ACTR3B: variants seen among roughly 807,000 people sequenced by gnomAD.
The protein encoded by ACTR3B is actin related protein 3B.
A neutral mutation model predicts 59.0 loss-of-function variants in ACTR3B; 8 were observed. The observed-to-expected ratio is 0.14, with a 90% CI of 0.08 to 0.24. ACTR3B has a LOEUF of 0.24. Among genes scored for constraint, ACTR3B ranks in the 10% least tolerant of loss-of-function variants. The probability of loss-of-function intolerance (pLI) is 1.00; values close to 1 mark genes in which losing one functional copy is unlikely to be tolerated. For missense variants in ACTR3B, 245 were observed against 552.3 expected, an observed-to-expected ratio of 0.44 and a Z score of 5.58; for synonymous variants, 148 against 197.9, an observed-to-expected ratio of 0.75 and a Z score of 2.12.
Position 152,854,776 on chromosome 7 carries a change from C to T in ACTR3B, c.*223C>T, listed in dbSNP as rs1041459312. ...CTCCTCCTTCTCCCGCCCTCCTCAC[C>T]CTCGCTCTCCCTCCTCCTCCTCCTC... On this transcript the variant is annotated 3_prime_UTR_variant, in exon 12 of 12. Transcript: ENST00000256001. This position sits in a 1 kb window ranked among gnomAD's most constrained non-coding sequence, Gnocchi z 4.9. The T allele has an allele frequency of 1.2e-5, 6 of 504,892 alleles. No individual in the cohort carries two copies. Among genetic ancestry groups the T allele is most frequent in the Non-Finnish European group, 3.6e-6 (1 of 281,638 alleles). 31.3% of individuals were successfully genotyped at this position (504,892 alleles called of 1,614,324 possible). A position where few individuals can be genotyped will look rare whatever the true frequency, so the allele number is the denominator to read the frequency against.
At chr7:152,819,187 G>C (rs990146253) in intron 6 of ACTR3B, among the ~76,000 whole-genome samples, 1 of 152,172 alleles carries the variant, frequency 6.6e-6, no homozygotes, top group African/African-American at 2.4e-5. Context: ...CTGCAGAAAG[G>C]CTACTTTTTT....
chr7:152,833,030 C>G (rs961488397), intron 9 of ACTR3B, among the ~76,000 whole-genome samples: 3 of 152,142 alleles, frequency 2.0e-5, no homozygotes, highest in South Asian at 2.1e-4. Context: ...AAAGAAAACT[C>G]TAGAAGCCAG....
At chr7:152,804,297 G>C (rs1286133064) in intron 4 of ACTR3B, among the ~76,000 whole-genome samples, 1 of 152,174 alleles carries the variant, frequency 6.6e-6, no homozygotes, top group Non-Finnish European at 1.5e-5. Flanking sequence ...GAAGGGATTT[G>C]CAAACTTTTT....
At chr7:152,834,408 C>T (rs1174076941) in intron 9 of ACTR3B, among the ~76,000 whole-genome samples, 1 of 152,196 alleles carries the variant, frequency 6.6e-6, no homozygotes, top group African/African-American at 2.4e-5. Flanking sequence ...CCTGCCTCGG[C>T]CTCCCGAAGT....
chr7:152,763,723 C>T (rs1250647844), intron 1 of ACTR3B, among the ~76,000 whole-genome samples: 1 of 152,158 alleles, frequency 6.6e-6, no homozygotes, highest in African/African-American at 2.4e-5. Flanking sequence ...TGTGCCTGGC[C>T]CATTGGTGAT....
At chr7:152,779,948 G>C (rs1441430879) in intron 1 of ACTR3B, among the ~76,000 whole-genome samples, 1 of 152,204 alleles carries the variant, frequency 6.6e-6, no homozygotes, top group East Asian at 1.9e-4. Context: ...AAAATGGAAA[G>C]ATATTATATT....
chr7:152,812,019 CTTTTTTTTTTTTTTTTTT>C (rs1164677748), intron 4 of ACTR3B: 1 of 23,380 alleles, frequency 4.3e-5, no homozygotes, highest in African/African-American at 1.1e-4. Flanking sequence ...AAATAAAAGT[CTTTTTTTTTTTTTTTTTT>C]TTTTTTTTTT....
At chr7:152,791,933 C>T (rs2098197861) in intron 2 of ACTR3B, among the ~76,000 whole-genome samples, 2 of 152,100 alleles carry the variant, frequency 1.3e-5, no homozygotes, top group African/African-American at 2.4e-5. Context: ...GCTTTGTTGC[C>T]CAGGCTGGAG....
intron 1 of ACTR3B, among the ~76,000 whole-genome samples, chr7:152,762,399 G>A (rs1260284207): frequency 3.9e-5 from 6 of 152,138 alleles, no homozygotes; most frequent in African/African-American, 1.4e-4. Flanking sequence ...AGCTGGAAGA[G>A]AACAAAAAAC....
At position 152,831,727 on chromosome 7, in the gene ACTR3B, G is replaced by A. The variant is rs1283678854; in HGVS notation, c.951+6605G>A. 2.6e-5 allele frequency among the ~76,000 whole-genome samples: 4 copies of A among 152,294 alleles called. No individual in the cohort carries two copies. In the Middle Eastern group the frequency reaches 0.01, roughly 389 times the overall value. Reference sequence around the variant, plus strand: ...AGCACTAGGGTGAAGGAGAAGTAGCGCAATCCTGTGGGTCTGGAGGGAATT... The same window carrying A: ...AGCACTAGGGTGAAGGAGAAGTAGCACAATCCTGTGGGTCTGGAGGGAATT... On this transcript the variant is annotated intron_variant, in intron 9 of 11. Coordinates refer to ENST00000256001, the MANE Select transcript of ACTR3B (RefSeq NM_020445.6).
rs1799086208 is a variant in ACTR3B, at chr7:152,854,361, G to A, written c.1162-97G>A. ...CAGCGGTCCTGGGAGGGAGGGTGGA[G>A]GCCGGGATGAGGAGAGTGTCTTGCC... On this transcript the variant is annotated intron_variant, in intron 11 of 11. Coordinates refer to ENST00000256001, the MANE Select transcript of ACTR3B (RefSeq NM_020445.6). This position sits in a 1 kb window ranked among gnomAD's most constrained non-coding sequence, Gnocchi z 4.9. The A allele has an allele frequency of 1.8e-6, 2 of 1,093,452 alleles. No individual in the cohort carries two copies. The highest frequency in any genetic ancestry group is 1.4e-6 in the Non-Finnish European group (1 of 715,470). 67.7% of individuals were successfully genotyped at this position (1,093,452 alleles called of 1,614,324 possible). A position where few individuals can be genotyped will look rare whatever the true frequency, so the allele number is the denominator to read the frequency against.
chr7:152,777,209 C>T (rs1426177565), intron 1 of ACTR3B, among the ~76,000 whole-genome samples: 1 of 152,016 alleles, frequency 6.6e-6, no homozygotes, highest in Non-Finnish European at 1.5e-5. Flanking sequence ...GTATTAGCAC[C>T]AGTTTTGAAT....
intron 1 of ACTR3B, among the ~76,000 whole-genome samples, chr7:152,781,356 G>A (rs10230555): frequency 0.025 from 3,857 of 151,546 alleles, 69 homozygotes; most frequent in African/African-American, 0.056. Flanking sequence ...TGGTCCTTCC[G>A]CTGGCGGTTT....
intron 9 of ACTR3B, among the ~76,000 whole-genome samples, chr7:152,826,941 T>G (rs1473056820): frequency 6.6e-6 from 1 of 151,952 alleles, no homozygotes; most frequent in Non-Finnish European, 1.5e-5. Context: ...TTCCCGCATC[T>G]TTGAAAACTC....
At chr7:152,837,398 C>T (rs10251842) in intron 9 of ACTR3B, among the ~76,000 whole-genome samples, 25,129 of 150,916 alleles carry the variant, frequency 0.17, no homozygotes, top group African/African-American at 0.32. Flanking sequence ...AAGCAAATGA[C>T]GCCTGTAAGC....
chr7:152,804,473 G>A (rs1445661772), intron 4 of ACTR3B, among the ~76,000 whole-genome samples: 1 of 152,080 alleles, frequency 6.6e-6, no homozygotes, highest in Non-Finnish European at 1.5e-5. Context: ...GAGCCACGTG[G>A]CCAGTTTTGT....
intron 2 of ACTR3B, among the ~76,000 whole-genome samples, chr7:152,790,803 GTC>G (rs1026141294): frequency 3.9e-5 from 6 of 152,032 alleles, no homozygotes; most frequent in Non-Finnish European, 5.9e-5. Context: ...CTATTGTTGT[GTC>G]TCTCAACTGT....
chr7:152,808,241 T>C (rs1392584340), intron 4 of ACTR3B, among the ~76,000 whole-genome samples: 3 of 152,058 alleles, frequency 2.0e-5, no homozygotes, highest in Non-Finnish European at 4.4e-5. Context: ...CCATTGTACA[T>C]AGATACCACA....
intron 9 of ACTR3B, among the ~76,000 whole-genome samples, chr7:152,836,564 G>C (rs1256450018): frequency 1.3e-5 from 2 of 151,726 alleles, no homozygotes; most frequent in African/African-American, 2.4e-5. Context: ...TCCAGCCTTA[G>C]CGACAAAGGG....
Sources: allele counts gnomAD v4.1 joint callset (sites outside exome capture counted in the v4.1 genomes callset), GRCh38; gene constraint gnomAD v4.1.1; non-coding constraint Gnocchi (gnomAD v3.1); transcripts MANE v1.5; gene names NCBI Gene and HGNC (gene_info 2026-07-23, HGNC 2026-07-21).